The following CFAP92 variants were observed in gnomAD, a reference collection of about 807,000 sequenced individuals.
CFAP92 encodes uncharacterized protein CFAP92.
CFAP92 carries 86 observed loss-of-function variants against 106.3 expected under a neutral mutation model. That is an observed-to-expected ratio of 0.81 (90% CI 0.68 to 0.97). The LOEUF is 0.97. CFAP92 is among the 50% of genes least tolerant of loss of function. CFAP92 has a pLI of 0.00. For missense variants in CFAP92, 1,204 were observed against 1,283.8 expected, an observed-to-expected ratio of 0.94 and a Z score of 0.95; for synonymous variants, 477 against 506.4, an observed-to-expected ratio of 0.94 and a Z score of 0.78.
the CFAP92 span, among the ~76,000 whole-genome samples, chr3:129,020,479 A>G: frequency 6.6e-6 from 1 of 152,154 alleles, no homozygotes; most frequent in East Asian, 1.9e-4. Context: ...TCTACAAAAA[A>G]TACAAAAATT....
chr3:128,926,164 T>C (rs978175112), intron 12 of CFAP92, among the ~76,000 whole-genome samples: 18 of 152,198 alleles, frequency 1.2e-4, no homozygotes, highest in African/African-American at 4.1e-4. Flanking sequence ...GATATCCAAA[T>C]AGCCAATCGT....
rs1437118415 is a variant in CFAP92, at chr3:128,945,460, G to A, written c.1869C>T (p.Gly623=). The part of the protein sequence containing the change: ...DGHQHGPMPR[G]NYLEADSQLK... ...GCTGGGAGTCAGCCTCTAGGTAGTT[G>A]CCCCTGGGCATTGGGCCGTGCTGGT... The change falls in exon 10 of 16, where the codon GGC becomes GGT. Residue 623 remains glycine, a synonymous_variant. Transcript: ENST00000645291. The A allele has an allele frequency of 1.3e-6, 2 of 1,536,162 alleles. No individual in the cohort carries two copies. Among genetic ancestry groups the A allele is most frequent in the South Asian group, 1.2e-5 (1 of 84,066 alleles).
intron 10 of CFAP92, among the ~76,000 whole-genome samples, chr3:128,936,659 C>T (rs939469845): frequency 4.6e-5 from 7 of 152,180 alleles, no homozygotes; most frequent in African/African-American, 1.7e-4. Flanking sequence ...TACTTTTACT[C>T]ACTGGCACTC....
chr3:128,958,322 CACGAAGGAGATCTTTGTGATGAT>C, intron 9 of CFAP92, among the ~76,000 whole-genome samples: 1 of 152,154 alleles, frequency 6.6e-6, no homozygotes, highest in Admixed American at 6.5e-5. Flanking sequence ...AAAAGGGTAG[CACGAAGGAGATCTTTGTGATGAT>C]AGAATATTTC....
At position 128,988,790 on chromosome 3, in the gene CFAP92, T is replaced by A. The variant is rs765834167; in HGVS notation, c.391A>T (p.Lys131Ter). Residue 131 changes from lysine to a stop codon, truncating the protein, a stop_gained, in exon 3 of 16, where the codon AAA becomes TAA. Coordinates refer to ENST00000645291, the MANE Select transcript of CFAP92 (RefSeq NM_001394090.1). LOFTEE classifies it high-confidence loss of function. ...GGAAATAGCAATATGTCAACTTTTT[T>A]AGGTTCTTCATCGTCCGGCAGAAGG... ...YFLLPDDEEP[K>*]KVDILLFPMV... 6.2e-7 allele frequency: 1 copy of A among 1,614,048 alleles called. No homozygotes were observed. The highest frequency in any genetic ancestry group is 8.5e-7 in the Non-Finnish European group (1 of 1,179,900).
intron 1 of CFAP92, chr3:129,001,640 CAG>C (rs1170581984): frequency 1.7e-5 from 23 of 1,377,090 alleles, no homozygotes; most frequent in Non-Finnish European, 2.1e-5. Context: ...TGGAGCCGGT[CAG>C]CACGGGCGCG....
At position 128,991,870 on chromosome 3, in the gene CFAP92, G is replaced by A. The variant is rs567521482; in HGVS notation, c.262+1173C>T. On this transcript the variant is annotated intron_variant, in intron 2 of 15. Transcript: ENST00000645291. ...GCAGATGAAAACAAAACAAAGCAAG[G>A]TCTATCAAGATGTGAAGTACTACTT... 212 of 987,310 alleles carry A rather than the reference G, an allele frequency of 2.1e-4. No individual in the cohort carries two copies. The Middle Eastern group carries it at 3.1e-3, about 15-fold the overall frequency. 61.2% of individuals were successfully genotyped at this position (987,310 alleles called of 1,614,324 possible).
In CFAP92 at chr3:128,915,144, A is replaced by C. The variant is rs1482858852; in HGVS notation, c.3255T>G (p.Pro1085=). The change falls in exon 15 of 16, where the codon CCT becomes CCG. Residue 1085 remains proline (P), a synonymous_variant. Transcript: ENST00000645291. ...KKPPPFLELL[P]SPAPKPVTVR... is the part of the protein sequence containing the mutation. ...CTGTTACAGGCTTTGGTGCGGGCGA[A>C]GGGAGCAGCTCGAGGAAAGGTGGTG... The C allele has an allele frequency of 3.3e-6, 5 of 1,536,122 alleles. No individual in the cohort carries two copies. Among genetic ancestry groups the C allele is most frequent in the African/African-American group, 2.7e-5 (2 of 73,164 alleles).
chr3:128,921,718 A>T (rs947922120), intron 12 of CFAP92, among the ~76,000 whole-genome samples: 1 of 152,224 alleles, frequency 6.6e-6, no homozygotes. Context: ...AATCAGTGTC[A>T]TTCTAAATTT....
chr3:128,928,135 C>G (rs1039454058), intron 12 of CFAP92, among the ~76,000 whole-genome samples: 1 of 152,098 alleles, frequency 6.6e-6, no homozygotes, highest in African/African-American at 2.4e-5. Context: ...TATGTGTAGT[C>G]CCAGCTACTT....
At chr3:128,977,161 A>G in intron 5 of CFAP92, 95 bp from the exon 6 acceptor site, 1 of 900,228 alleles carries the variant, frequency 1.1e-6, no homozygotes. Context: ...GTCAGTCTCT[A>G]TGCAGAAGGC....
Position 128,993,052 on chromosome 3 carries a change from CA to C in CFAP92, c.252del (p.Val85Ter). The C allele has an allele frequency of 6.2e-7, 1 of 1,614,068 alleles. No homozygotes were observed. Among genetic ancestry groups the C allele is most frequent in the Non-Finnish European group, 8.5e-7 (1 of 1,179,900 alleles). ...CTGCTCTAGCACCTACCCATATTCA[CA>C]GGGAAGGCCAGTGAGATGGTGAATT... ...PCKFTISLAF[P>X]VNMGQKGKYA... On this transcript the variant is annotated frameshift_variant, in exon 2 of 16. Transcript: ENST00000645291. LOFTEE classifies it high-confidence loss of function.
chr3:128,923,378 G>A (rs190084195), intron 12 of CFAP92, among the ~76,000 whole-genome samples: 85 of 152,292 alleles, frequency 5.6e-4, no homozygotes, highest in Non-Finnish European at 1.0e-3. Flanking sequence ...CTGCTGCAGC[G>A]CCAGGGTTTT....
chr3:129,002,459 G>T (rs1489267093), intron 1 of CFAP92: 15 of 1,377,920 alleles, frequency 1.1e-5, no homozygotes, highest in Non-Finnish European at 1.4e-5. Context: ...ATCCCACTCC[G>T]CATCAGCACA....
intron 12 of CFAP92, among the ~76,000 whole-genome samples, chr3:128,930,821 A>G (rs984310605): frequency 6.6e-6 from 1 of 152,206 alleles, no homozygotes; most frequent in Non-Finnish European, 1.5e-5. Flanking sequence ...CATGAAATGA[A>G]TATATATTCT....
chr3:129,000,640 C>G (rs1238189149), intron 1 of CFAP92, among the ~76,000 whole-genome samples: 3 of 152,214 alleles, frequency 2.0e-5, no homozygotes, highest in Non-Finnish European at 2.9e-5. Context: ...ACCAGAGAAG[C>G]AGGTTTTTCT....
intron 5 of CFAP92, among the ~76,000 whole-genome samples, chr3:128,977,648 C>T (rs1943241446): frequency 6.6e-6 from 1 of 152,200 alleles, no homozygotes; most frequent in Non-Finnish European, 1.5e-5. Context: ...CACTTGAGGT[C>T]AGGAGTTCAA....
At chr3:128,976,773 A>G (rs549322909) in intron 6 of CFAP92, among the ~76,000 whole-genome samples, 2 of 152,332 alleles carry the variant, frequency 1.3e-5, no homozygotes, top group East Asian at 3.9e-4. Context: ...ATGAGGATCA[A>G]ATGAGATAAA....
At chr3:129,019,764 CTTTTTTT>C in the CFAP92 span, among the ~76,000 whole-genome samples, 1 of 107,424 alleles carries the variant, frequency 9.3e-6, no homozygotes. Context: ...ATTAAATTTA[CTTTTTTT>C]TTTTTTTTTT....
Sources: allele counts gnomAD v4.1 joint callset (sites outside exome capture counted in the v4.1 genomes callset), GRCh38; gene constraint gnomAD v4.1.1; transcripts MANE v1.5; gene names NCBI Gene and HGNC (gene_info 2026-07-23, HGNC 2026-07-21).